Variants in DLGAP2 observed in about 807,000 individuals in gnomAD.
The protein encoded by DLGAP2 is DLG associated protein 2, also known as disks large-associated protein 2.
Under a neutral mutation model 100.3 loss-of-function variants are expected in DLGAP2, and 26 were observed. The ratio of observed to expected loss-of-function variants is 0.26; its 90% CI spans 0.19 to 0.36. The LOEUF is 0.36. Among genes scored for constraint, DLGAP2 ranks in the 10% least tolerant of loss-of-function variants. DLGAP2 has a pLI of 1.00. For synonymous variants in DLGAP2, 886 were observed against 630.1 expected, an observed-to-expected ratio of 1.41 and a Z score of -6.08; for missense variants, 1,858 against 1,453.2, an observed-to-expected ratio of 1.28 and a Z score of -4.53.
At chr8:1,142,698 A>G (rs1383656276) in intron 2 of DLGAP2, among the ~76,000 whole-genome samples, 1 of 152,122 alleles carries the variant, frequency 6.6e-6, no homozygotes, top group African/African-American at 2.4e-5. Flanking sequence ...TTGCTAGGGC[A>G]GGACGGGGCT....
At chr8:1,511,776 G>A (rs925951811) in intron 4 of DLGAP2, among the ~76,000 whole-genome samples, 2 of 152,128 alleles carry the variant, frequency 1.3e-5, no homozygotes, top group Non-Finnish European at 1.5e-5. Context: ...TCTGTCTAGT[G>A]TAGGACAATC....
At chr8:762,763 C>T (rs1821118436) in intron 1 of DLGAP2, among the ~76,000 whole-genome samples, 1 of 152,122 alleles carries the variant, frequency 6.6e-6, no homozygotes, top group Non-Finnish European at 1.5e-5. Context: ...ACTGCAGCCT[C>T]ACCCTCCTGG....
rs576800954 is a variant in DLGAP2, at chr8:1,567,145, G to C, written c.1442+1251G>C. Among the ~76,000 whole-genome samples the C allele has an allele frequency of 5.9e-5, 9 of 152,346 alleles. No homozygotes were observed. The South Asian group carries it at 1.2e-3, about 21-fold the overall frequency. On this transcript the variant is annotated intron_variant, in intron 6 of 14. Transcript: ENST00000637795. ...AACCAGGAAAGATGATTACCAGGAA[G>C]GGGTTGGGGAGCTGGACAGAGCTGG...
intron 6 of DLGAP2, among the ~76,000 whole-genome samples, chr8:1,593,017 C>G (rs886800007): frequency 6.6e-6 from 1 of 152,096 alleles, no homozygotes; most frequent in Non-Finnish European, 1.5e-5. Context: ...ATTAATTCAG[C>G]ATTTGTGATT....
chr8:822,595 G>A (rs1183552069), intron 1 of DLGAP2, among the ~76,000 whole-genome samples: 1 of 152,240 alleles, frequency 6.6e-6, no homozygotes, highest in Non-Finnish European at 1.5e-5. Context: ...ATGAATCTGT[G>A]CATTCACCAA....
chr8:1,183,565 C>G (rs1039678464), intron 2 of DLGAP2, among the ~76,000 whole-genome samples: 1 of 152,176 alleles, frequency 6.6e-6, no homozygotes, highest in Admixed American at 6.5e-5. Flanking sequence ...CTGTTAGTAT[C>G]CTCACCATGT....
intron 2 of DLGAP2, among the ~76,000 whole-genome samples, chr8:1,113,635 A>G (rs775690016): frequency 2.6e-5 from 4 of 152,158 alleles, no homozygotes; most frequent in African/African-American, 7.2e-5. Context: ...GAATCTTGTC[A>G]TCTACAAACA....
chr8:782,842 C>G (rs1003352394), intron 1 of DLGAP2, among the ~76,000 whole-genome samples: 3 of 152,238 alleles, frequency 2.0e-5, no homozygotes, highest in Non-Finnish European at 4.4e-5. Context: ...TGTTGGCCCT[C>G]TTCCGCGTCT....
chr8:1,145,385 G>C (rs960482686), intron 2 of DLGAP2, among the ~76,000 whole-genome samples: 4 of 152,250 alleles, frequency 2.6e-5, no homozygotes, highest in Non-Finnish European at 5.9e-5. Context: ...GGTTCCACTC[G>C]CCCAGCGTGG....
chr8:1,454,211 C>T (rs540358109), intron 3 of DLGAP2, among the ~76,000 whole-genome samples: 18 of 152,222 alleles, frequency 1.2e-4, no homozygotes, highest in Non-Finnish European at 2.2e-4. Flanking sequence ...ACGTCCACAG[C>T]CGCCCGGCAG....
intron 12 of DLGAP2, among the ~76,000 whole-genome samples, chr8:1,684,481 G>C (rs1585062010): frequency 6.6e-6 from 1 of 152,006 alleles, no homozygotes; most frequent in African/African-American, 2.4e-5. Context: ...TGTCTTATGA[G>C]ACTAAAACTC....
chr8:1,539,093 C>G (rs531491581), intron 4 of DLGAP2, among the ~76,000 whole-genome samples: 6 of 152,186 alleles, frequency 3.9e-5, no homozygotes, highest in Admixed American at 2.0e-4. Context: ...ACCGTGTTGG[C>G]CAGGCTGATC....
intron 2 of DLGAP2, among the ~76,000 whole-genome samples, chr8:1,186,748 C>G (rs1234546522): frequency 6.6e-6 from 1 of 152,124 alleles, no homozygotes; most frequent in African/African-American, 2.4e-5. Flanking sequence ...ACGTCGTCGC[C>G]TCCCCTGGCT....
chr8:968,814 G>C (rs776425351), intron 2 of DLGAP2, among the ~76,000 whole-genome samples: 1 of 152,146 alleles, frequency 6.6e-6, no homozygotes, highest in Non-Finnish European at 1.5e-5. Flanking sequence ...CGTATAATGA[G>C]TCGCAGTGGA....
At chr8:865,833 T>G (rs1168477598) in intron 1 of DLGAP2, among the ~76,000 whole-genome samples, 1 of 152,170 alleles carries the variant, frequency 6.6e-6, no homozygotes, top group African/African-American at 2.4e-5. Context: ...GGTCCTGAGC[T>G]TGCCCCCTCA....
At chr8:1,371,710 T>G (rs894351751) in intron 3 of DLGAP2, among the ~76,000 whole-genome samples, 1 of 152,202 alleles carries the variant, frequency 6.6e-6, no homozygotes, top group East Asian at 1.9e-4. Flanking sequence ...GCTGGAAGAA[T>G]AGAATTGTGG....
At chr8:1,153,270 A>G (rs1232597707) in intron 2 of DLGAP2, among the ~76,000 whole-genome samples, 2 of 152,138 alleles carry the variant, frequency 1.3e-5, no homozygotes, top group African/African-American at 4.8e-5. Flanking sequence ...AATTGGGGTC[A>G]TTTTCTTCGG....
chr8:1,260,291 T>C (rs748894214), intron 3 of DLGAP2, among the ~76,000 whole-genome samples: 15 of 152,214 alleles, frequency 9.9e-5, no homozygotes, highest in Non-Finnish European at 1.8e-4. Flanking sequence ...TCATTTTTCA[T>C]TCTCTTTCCC....
intron 2 of DLGAP2, among the ~76,000 whole-genome samples, chr8:1,257,524 C>CT (rs1799251746): frequency 1.8e-5 from 1 of 56,670 alleles, no homozygotes; most frequent in Non-Finnish European, 5.3e-5. Flanking sequence ...TCTGTGCTCG[C>CT]TCCCCAGATT....
Sources: allele counts gnomAD v4.1 joint callset (sites outside exome capture counted in the v4.1 genomes callset), GRCh38; gene constraint gnomAD v4.1.1; transcripts MANE v1.5; gene names NCBI Gene and HGNC (gene_info 2026-07-23, HGNC 2026-07-21).